Variants in EIF4A2 observed in about 807,000 individuals in gnomAD.
The protein encoded by EIF4A2 is eukaryotic translation initiation factor 4A2.
A neutral mutation model predicts 50.6 loss-of-function variants in EIF4A2; 9 were observed. The ratio of observed to expected loss-of-function variants is 0.18; its 90% CI spans 0.11 to 0.31. The LOEUF is 0.31. Ranked by LOEUF, EIF4A2 falls within the 10% of genes least tolerant of loss-of-function variation. The pLI, the probability that EIF4A2 is intolerant of heterozygous loss-of-function variation, is 1.00. For missense variants in EIF4A2, 182 were observed against 501.8 expected (o/e 0.36, Z 6.09); for synonymous variants, 215 against 164.4 (o/e 1.31, Z -2.35).
chr3:186,783,758 C>G, intron 1 of EIF4A2, 119 bp downstream of exon 1: 6 of 1,471,078 alleles, frequency 4.1e-6, no homozygotes, highest in Non-Finnish European at 5.7e-6. Flanking sequence ...TAGGGTACAG[C>G]ACTCCTGTGC....
At chr3:186,786,866 A>G (rs776691310) in intron 7 of EIF4A2, 2 of 880,260 alleles carry the variant, frequency 2.3e-6, no homozygotes, top group East Asian at 2.4e-5. Context: ...TAGACCTAAC[A>G]GAATGAAGTT....
intron 5 of EIF4A2, 28 bp downstream of exon 5, chr3:186,786,079 T>G: frequency 6.2e-7 from 1 of 1,600,166 alleles, no homozygotes; most frequent in Non-Finnish European, 8.6e-7. Context: ...GAGAGTATTT[T>G]TTTTAAAACT....
At chr3:186,784,084 C>T in intron 1 of EIF4A2, 1 of 467,212 alleles carries the variant, frequency 2.1e-6, no homozygotes, top group Non-Finnish European at 3.9e-6. Context: ...CGGGACAGGA[C>T]CGGTGCCGGT....
At chr3:186,787,692 C>A (rs781416571) in intron 9 of EIF4A2, 108 bp downstream of exon 9, 1 of 1,578,420 alleles carries the variant, frequency 6.3e-7, no homozygotes, top group Non-Finnish European at 8.7e-7. Flanking sequence ...TAAAAGACCA[C>A]ACTCCACAGT....
intron 10 of EIF4A2, chr3:186,788,861 A>G: frequency 2.5e-6 from 1 of 399,692 alleles, no homozygotes. Flanking sequence ...CCCAAACACG[A>G]TACTGTCATC....
At chr3:186,787,369 G>A in intron 8 of EIF4A2, 105 bp downstream of exon 8, 2 of 1,610,466 alleles carry the variant, frequency 1.2e-6, no homozygotes, top group South Asian at 2.2e-5. Context: ...AAATAAAGTT[G>A]TTTCTTAACT....
chr3:186,789,024 T>C, intron 10 of EIF4A2, 101 bp from the exon 11 acceptor site: 1 of 1,478,782 alleles, frequency 6.8e-7, no homozygotes, highest in Non-Finnish European at 9.0e-7. Context: ...AACTATAACC[T>C]TGATAAGTAA....
At chr3:186,783,718 G>A in intron 1 of EIF4A2, 79 bp downstream of exon 1, 1 of 1,605,990 alleles carries the variant, frequency 6.2e-7, no homozygotes, top group South Asian at 1.1e-5. Flanking sequence ...TGGCACGGAG[G>A]CAAAAACTCT....
rs200902301 is a variant in EIF4A2 at position 186,786,088 on chromosome 3, C to T, written c.517+37C>T. 6.3e-6 allele frequency: 10 copies of T among 1,599,724 alleles called. No individual in the cohort carries two copies. In the East Asian group the frequency reaches 2.2e-4, roughly 36 times the overall value. On this transcript the variant is annotated intron_variant, in intron 5 of 10. Transcript: ENST00000323963. ...CTTTAAGAGAGTATTTTTTTTAAAA[C>T]TGTTAACATAGTTGAAAAGTCAAAT...
intron 1 of EIF4A2, 155 bp from the exon 2 acceptor site, chr3:186,784,277 G>T: frequency 9.0e-7 from 1 of 1,110,294 alleles, no homozygotes; most frequent in Non-Finnish European, 1.3e-6. Context: ...CAACCTTTAG[G>T]GAAGGCGCAC....
chr3:186,784,731 A>G (rs367643607), intron 3 of EIF4A2, 35 bp downstream of exon 3: 3 of 1,612,074 alleles, frequency 1.9e-6, no homozygotes, highest in East Asian at 2.2e-5. Context: ...AAATTGTTCT[A>G]CATAGACATG....
In EIF4A2 at chr3:186,785,585, A is replaced by G. The variant is rs560369844; in HGVS notation, c.349-298A>G. ...TTTGCCCTAGCTGTAATTACAGAAC[A>G]TAAATTTCACTACGTACTCCCTACC... On this transcript the variant is annotated intron_variant, in intron 4 of 10. Coordinates refer to ENST00000323963, the MANE Select transcript of EIF4A2 (RefSeq NM_001967.4). The G allele has an allele frequency of 1.4e-5, 5 of 359,192 alleles. No homozygotes were observed. In the South Asian group the frequency reaches 2.2e-4, roughly 16 times the overall value. 22.3% of individuals were successfully genotyped at this position (359,192 alleles called of 1,614,324 possible). A position where few individuals can be genotyped will look rare whatever the true frequency, so the allele number is the denominator to read the frequency against.
chr3:186,785,540 C>T (rs545596190), intron 4 of EIF4A2: 9 of 307,392 alleles, frequency 2.9e-5, no homozygotes, highest in South Asian at 1.2e-4. Context: ...GGCACAATAC[C>T]CTCTGGGGGA....
intron 10 of EIF4A2, 51 bp from the exon 11 acceptor site, chr3:186,789,074 T>C: frequency 1.3e-6 from 2 of 1,584,246 alleles, no homozygotes; most frequent in South Asian, 1.2e-5. Context: ...TCATGTTCAG[T>C]AGTTTATACA....
In EIF4A2 at chr3:186,788,178, A is replaced by G. The variant is rs1435047281; in HGVS notation, c.1079+296A>G. On this transcript the variant is annotated intron_variant, in intron 10 of 10. Transcript: ENST00000323963. Reference sequence around the variant, plus strand: ...TGTTTTTCTTGGTGATTTTTTCTATAGTTGGGATTTTCTTGGTGTCGCCTG... The same window carrying G: ...TGTTTTTCTTGGTGATTTTTTCTATGGTTGGGATTTTCTTGGTGTCGCCTG... The G allele has an allele frequency of 6.6e-6, 5 of 762,960 alleles. No homozygotes were observed. The East Asian group carries it at 1.7e-4, about 25-fold the overall frequency. The allele number at this position is 762,960 out of a possible 1,614,324, so 47.3% of individuals were successfully genotyped here.
In EIF4A2 at chr3:186,785,984, T is replaced by C; in HGVS notation, c.450T>C (p.Ala150=). 6.2e-7 allele frequency: 1 copy of C among 1,613,520 alleles called. No individual in the cohort carries two copies. ...NVRNEMQKLQ[A]EAPHIVVGTP... is the part of the protein sequence containing the mutation. ...GAAATGAAATGCAAAAACTGCAGGCTGAAGCACCACATATTGTTGTTGGTA... is the reference window on the plus strand; with the variant it reads ...GAAATGAAATGCAAAAACTGCAGGCCGAAGCACCACATATTGTTGTTGGTA... The change falls in exon 5 of 11, where the codon GCT becomes GCC. Residue 150 remains alanine, a synonymous_variant. Transcript: ENST00000323963.
intron 10 of EIF4A2, 101 bp downstream of exon 10, chr3:186,787,983 AGTCAG>A: frequency 8.0e-7 from 1 of 1,247,910 alleles, no homozygotes; most frequent in African/African-American, 1.5e-5. Context: ...GATTCAGTAA[AGTCAG>A]TAGTGTTCAG....
In EIF4A2 at chr3:186,789,300, T is replaced by C. The variant is rs1475349057; in HGVS notation, c.*31T>C. 1.3e-6 allele frequency: 2 copies of C among 1,588,164 alleles called. No individual in the cohort carries two copies. Among genetic ancestry groups the C allele is most frequent in the Non-Finnish European group, 1.7e-6 (2 of 1,167,572 alleles). On this transcript the variant is annotated 3_prime_UTR_variant, in exon 11 of 11. Coordinates refer to ENST00000323963, the MANE Select transcript of EIF4A2 (RefSeq NM_001967.4). ...GGGATGAGAGTTTTGGATGCAGTGC[T>C]CGCTGTTGCTGAATAGGCGATCACA... is the stretch of plus-strand genomic sequence containing the variant.
intron 4 of EIF4A2, 106 bp downstream of exon 4, chr3:186,785,207 C>G (rs1363555133): frequency 6.7e-7 from 1 of 1,503,508 alleles, no homozygotes; most frequent in East Asian, 2.3e-5. Context: ...TACCAGATCC[C>G]TCCTTTTAAT....
Sources: allele counts gnomAD v4.1 joint callset, GRCh38; gene constraint gnomAD v4.1.1; transcripts MANE v1.5; gene names NCBI Gene and HGNC (gene_info 2026-07-23, HGNC 2026-07-21).